TNMD: variants seen among roughly 807,000 people sequenced by gnomAD.
TNMD encodes BRICHOS domain containing 4.
TNMD carries 15 observed loss-of-function variants against 26.9 expected under a neutral mutation model. The ratio of observed to expected loss-of-function variants is 0.56; its 90% CI spans 0.37 to 0.86. The LOEUF is 0.86. Among genes scored for constraint, TNMD ranks in the 40% least tolerant of loss-of-function variants. TNMD has a pLI of 0.00. For missense variants in TNMD, 222 were observed against 242.6 expected (o/e 0.92, Z 0.56); for synonymous variants, 73 against 77.0 (o/e 0.95, Z 0.27).
chrX:100,587,123 T>G (rs954347305), intron 2 of TNMD, among the ~76,000 whole-genome samples: 14 of 112,335 alleles, frequency 1.2e-4, no homozygotes, highest in Non-Finnish European at 2.4e-4. Context: ...CAAAAGAGTA[T>G]ATGTGTTTTT....
At position 100,585,313 on chromosome X, in the gene TNMD, T is replaced by C; in HGVS notation, c.131T>C (p.Ile44Thr). Residue 44 changes from isoleucine to threonine, a missense_variant, in exon 2 of 7, where the codon ATT becomes ACT. Physicochemically the swap from Ile to Thr is moderately conservative, Grantham distance 89. Transcript: ENST00000373031. ...TTTGGTATCCTGGCCCTAACTCTAA[T>C]TGTCCTGTTTTGGGGGAGCAAGCAC... ...LVFGILALTL[I>T]VLFWGSKHFW... 2.5e-6 allele frequency: 3 copies of C among 1,211,137 alleles called. No individual in the cohort carries two copies. Among genetic ancestry groups the C allele is most frequent in the Non-Finnish European group, 3.4e-6 (3 of 895,058 alleles).
At position 100,594,573 on chromosome X, in the gene TNMD, T is replaced by A. The variant is rs1011776361; in HGVS notation, c.423+211T>A. 5.4e-5 allele frequency among the ~76,000 whole-genome samples: 6 copies of A among 111,291 alleles called. No homozygotes were observed. The East Asian group carries it at 1.7e-3, about 32-fold the overall frequency. ...GGCCACACAGCTAGTGAGTAGCAGATTGGGGTCTTGAACTTAGGCCTTTCA... is the reference window on the plus strand; with the variant it reads ...GGCCACACAGCTAGTGAGTAGCAGAATGGGGTCTTGAACTTAGGCCTTTCA... On this transcript the variant is annotated intron_variant, in intron 4 of 6. Transcript: ENST00000373031.
chrX:100,596,655 A>C (rs2082953910), intron 4 of TNMD, among the ~76,000 whole-genome samples: 1 of 111,907 alleles, frequency 8.9e-6, no homozygotes, highest in African/African-American at 3.3e-5. Context: ...GCTAGTCAGC[A>C]TACCAACCTC....
chrX:100,586,786 T>C (rs2082923179), intron 2 of TNMD, among the ~76,000 whole-genome samples: 1 of 111,498 alleles, frequency 9.0e-6, no homozygotes, highest in Admixed American at 9.6e-5. Flanking sequence ...GCCACCTGTG[T>C]TCAGGCTGGC....
intron 4 of TNMD, among the ~76,000 whole-genome samples, chrX:100,594,828 G>A: frequency 8.9e-6 from 1 of 112,082 alleles, no homozygotes; most frequent in South Asian, 3.7e-4. Context: ...TTTAAAGATT[G>A]TGGTTCATTC....
At position 100,594,310 on chromosome X, in the gene TNMD, C is replaced by T; in HGVS notation, c.371C>T (p.Thr124Ile). 2 of 1,198,880 alleles carry T rather than the reference C, an allele frequency of 1.7e-6. No individual in the cohort carries two copies. Among genetic ancestry groups the T allele is most frequent in the Non-Finnish European group, 1.1e-6 (1 of 888,586 alleles). Reference protein sequence around the residue: ...FVGLQKCFIKTQIKVIPEFSE... With the variant: ...FVGLQKCFIKIQIKVIPEFSE... The stretch of plus-strand genomic sequence containing the variant: ...GGTCTTCAAAAATGTTTTATCAAAA[C>T]TCAGATTAAAGTGATTCCTGAATTT... Residue 124 changes from threonine (T) to isoleucine (I), a missense_variant, in exon 4 of 7, where the codon ACT becomes ATT. Physicochemically the swap from Thr to Ile is moderately conservative, Grantham distance 89 (BLOSUM62 -1). Transcript: ENST00000373031.
At chrX:100,592,445 G>GT (rs2082940489) in intron 2 of TNMD, among the ~76,000 whole-genome samples, 9 of 112,116 alleles carry the variant, frequency 8.0e-5, no homozygotes, top group Admixed American at 5.7e-4. Context: ...TTTTAAAATG[G>GT]TTTTTTTAAA....
At chrX:100,598,276 A>T (rs2082958458) in intron 5 of TNMD, among the ~76,000 whole-genome samples, 1 of 111,339 alleles carries the variant, frequency 9.0e-6, no homozygotes, top group Non-Finnish European at 1.9e-5. Flanking sequence ...TGCACAGCAT[A>T]GATTACTCTA....
chrX:100,598,129 A>G (rs751837042), intron 5 of TNMD, among the ~76,000 whole-genome samples: 4 of 112,026 alleles, frequency 3.6e-5, no homozygotes, highest in South Asian at 7.6e-4. Context: ...TTTAGGAATT[A>G]CTATAAAAAT....
chrX:100,590,304 GA>G (rs1237138101), intron 2 of TNMD, among the ~76,000 whole-genome samples: 1 of 112,041 alleles, frequency 8.9e-6, no homozygotes, highest in East Asian at 2.8e-4. Context: ...AGAGCAGCTA[GA>G]TTAATCACAG....
chrX:100,597,762 T>C, intron 5 of TNMD, 105 bp downstream of exon 5: 1 of 888,722 alleles, frequency 1.1e-6, no homozygotes, highest in Non-Finnish European at 1.6e-6. Flanking sequence ...ATGATCGGTT[T>C]ATATCTTCTT....
intron 2 of TNMD, among the ~76,000 whole-genome samples, chrX:100,589,505 G>A (rs1202557381): frequency 9.0e-6 from 1 of 111,377 alleles, no homozygotes; most frequent in African/African-American, 3.3e-5. Context: ...TGTGGAGCCA[G>A]GCTGTGGCTG....
intron 5 of TNMD, among the ~76,000 whole-genome samples, chrX:100,598,761 G>A (rs1476229390): frequency 8.9e-6 from 1 of 112,185 alleles, no homozygotes; most frequent in Non-Finnish European, 1.9e-5. Context: ...TTAATTTAGT[G>A]TGCTATTAAG....
Position 100,585,058 on chromosome X carries a change from A to G in TNMD, c.40A>G (p.Ile14Val), listed in dbSNP as rs748819768. The change falls in exon 1 of 7, where the codon ATT becomes GTT. Residue 14 changes from isoleucine (I) to valine (V), a missense_variant. Coordinates refer to ENST00000373031, the MANE Select transcript of TNMD (RefSeq NM_022144.3). ...TCCAGAGAATTGTGAAGACTGTCAC[A>G]TTCTAAATGTAAGTTGATTCATATT... Reference protein sequence around the residue: ...NPPENCEDCHILNAEAFKSKK... With the variant: ...NPPENCEDCHVLNAEAFKSKK... The G allele has an allele frequency of 8.3e-7, 1 of 1,209,739 alleles. No homozygotes were observed. Among genetic ancestry groups the G allele is most frequent in the Non-Finnish European group, 1.1e-6 (1 of 894,010 alleles).
intron 2 of TNMD, among the ~76,000 whole-genome samples, chrX:100,588,264 G>T (rs750488369): frequency 9.0e-6 from 1 of 110,672 alleles, no homozygotes; most frequent in Non-Finnish European, 1.9e-5. Flanking sequence ...TCAGGTCTGC[G>T]TGCACACAGG....
chrX:100,588,877 T>C (rs1456250188), intron 2 of TNMD, among the ~76,000 whole-genome samples: 2 of 111,447 alleles, frequency 1.8e-5, no homozygotes, highest in Admixed American at 1.9e-4. Context: ...TTGAAAGCCA[T>C]CAGGACCACA....
At chrX:100,593,105 C>T (rs1244094899) in intron 2 of TNMD, among the ~76,000 whole-genome samples, 1 of 111,970 alleles carries the variant, frequency 8.9e-6, no homozygotes, top group Non-Finnish European at 1.9e-5. Context: ...AATACAATTG[C>T]CTCTTTTAGA....
At chrX:100,598,476 T>G (rs1254876573) in intron 5 of TNMD, among the ~76,000 whole-genome samples, 1 of 112,264 alleles carries the variant, frequency 8.9e-6, no homozygotes, top group Non-Finnish European at 1.9e-5. Flanking sequence ...AATTCTAACT[T>G]CTGATTTTTG....
chrX:100,596,121 G>A (rs767226187), intron 4 of TNMD, among the ~76,000 whole-genome samples: 1 of 112,117 alleles, frequency 8.9e-6, no homozygotes, highest in Admixed American at 9.4e-5. Context: ...TCAGGAGTTC[G>A]AGACCACTCT....
Sources: gnomAD v4.1 joint callset for allele counts (sites outside exome capture counted in the v4.1 genomes callset) on GRCh38, gnomAD v4.1.1 for gene constraint, MANE v1.5 for transcripts, NCBI Gene and HGNC (gene_info 2026-07-23, HGNC 2026-07-21) for gene names.